Variants in MGA observed in about 807,000 individuals in gnomAD.
MGA encodes MAX gene-associated protein.
A neutral mutation model predicts 261.1 loss-of-function variants in MGA; 40 were observed. The ratio of observed to expected loss-of-function variants is 0.15; its 90% CI spans 0.12 to 0.20. The LOEUF (loss-of-function observed/expected upper bound fraction) is 0.20. Ranked by LOEUF, MGA falls within the 10% of genes least tolerant of loss-of-function variation. The pLI is 1.00. For synonymous variants in MGA, 1,302 were observed against 1,290.6 expected (o/e 1.01, Z -0.19); for missense variants, 3,397 against 3,630.5 (o/e 0.94, Z 1.65).
intron 2 of MGA, among the ~76,000 whole-genome samples, chr15:41,679,460 T>C (rs1350450031): frequency 6.6e-6 from 1 of 152,242 alleles, no homozygotes; most frequent in Non-Finnish European, 1.5e-5. Context: ...TCTTTCCATT[T>C]TAATTTTTTT....
chr15:41,659,682 G>C (rs1416455176), upstream of MGA, among the ~76,000 whole-genome samples: 2 of 152,164 alleles, frequency 1.3e-5, no homozygotes, highest in African/African-American at 4.8e-5. Context: ...TAAATGTCTT[G>C]AAGAAACAAA....
chr15:41,634,099 A>G (rs982315053), intron 1 of MGA, among the ~76,000 whole-genome samples: 1 of 151,836 alleles, frequency 6.6e-6, no homozygotes, highest in Non-Finnish European at 1.5e-5. Flanking sequence ...TTTCTTCCCC[A>G]TCTCTCTTCC....
chr15:41,707,208 C>T (rs2060167386), intron 5 of MGA, among the ~76,000 whole-genome samples: 1 of 152,164 alleles, frequency 6.6e-6, no homozygotes. Flanking sequence ...GATATATTTA[C>T]TGTATCACAG....
chr15:41,699,093 A>G lies in MGA; in HGVS notation c.2122A>G (p.Lys708Glu), dbSNP rs374243548. ...CAGAGCAAGAATTTCCCAGTTGGAA[A>G]AGGAATTGATAGAAGATTTGAAGAC... The change falls in exon 5 of 24, where the codon AAG becomes GAG. Residue 708 changes from lysine (K) to glutamate (E), a missense_variant. This residue lies in a region of MGA where 563 missense variants were observed against 563.6 expected (regional missense o/e 1.00). Transcript: ENST00000219905. 1.9e-6 allele frequency: 3 copies of G among 1,612,418 alleles called. No homozygotes were observed. The African/African-American group carries it at 4.0e-5, about 22-fold the overall frequency.
chr15:41,713,323 A>T lies in MGA; in HGVS notation c.3257A>T (p.Lys1086Ile). ...TTTGGTTGTACTTGTTTGAAAAGAAAAGTTGTACTTGTTAAAGGAGGATCC... is the reference window on the plus strand; with the variant it reads ...TTTGGTTGTACTTGTTTGAAAAGAATAGTTGTACTTGTTAAAGGAGGATCC... The change falls in exon 9 of 24, where the codon AAA becomes ATA. Residue 1086 changes from lysine (K) to isoleucine (I), a missense_variant. By Grantham distance (102) the Lys-to-Ile change is moderately radical (BLOSUM62 -3). Around this residue, in one of 9 missense-constraint regions of MGA, gnomAD observed 519 missense variants for 554.1 expected, o/e 0.94. Coordinates refer to ENST00000219905, the MANE Select transcript of MGA (RefSeq NM_001164273.2). The T allele has an allele frequency of 1.2e-6, 2 of 1,613,970 alleles. No individual in the cohort carries two copies. Among genetic ancestry groups the T allele is most frequent in the Non-Finnish European group, 1.7e-6 (2 of 1,179,878 alleles).
At chr15:41,749,020 A>G in intron 16 of MGA, 91 bp from the exon 17 acceptor site, 1 of 1,543,614 alleles carries the variant, frequency 6.5e-7, no homozygotes, top group Non-Finnish European at 8.7e-7. Context: ...TCATCTCTTA[A>G]GAGTTACTTT....
At chr15:41,740,276 G>C (rs957851737) in intron 14 of MGA, 73 bp downstream of exon 14, 9 of 1,459,386 alleles carry the variant, frequency 6.2e-6, no homozygotes, top group Non-Finnish European at 8.4e-6. Flanking sequence ...AGGTATGGAG[G>C]TTGTAAAAAT....
chr15:41,631,378 T>C (rs2056584866), intron 1 of MGA, among the ~76,000 whole-genome samples: 1 of 152,182 alleles, frequency 6.6e-6, no homozygotes, highest in Non-Finnish European at 1.5e-5. Flanking sequence ...TTTCATTTCA[T>C]GTCTATAAAG....
rs867497724 is a variant in MGA, at chr15:41,735,192, C to T, written c.3916+598C>T. Among the ~76,000 whole-genome samples, 6 of 152,216 alleles carry T rather than the reference C, an allele frequency of 3.9e-5. No homozygotes were observed. In the South Asian group the frequency reaches 1.2e-3, roughly 32 times the overall value. ...GAGGAGGCTACTAGGGTGGAGGGAACCTGCCTGAGAGCGTGAGCACCCTGA... is the reference window on the plus strand; with the variant it reads ...GAGGAGGCTACTAGGGTGGAGGGAATCTGCCTGAGAGCGTGAGCACCCTGA... On this transcript the variant is annotated intron_variant, in intron 12 of 23. Transcript: ENST00000219905.
chr15:41,734,424 T>G, intron 11 of MGA, 98 bp from the exon 12 acceptor site: 3 of 934,664 alleles, frequency 3.2e-6, no homozygotes, highest in South Asian at 3.1e-5. Context: ...ATTCTAATGA[T>G]TTAAACTTCT....
chr15:41,766,086 C>A lies in MGA; in HGVS notation c.8004C>A (p.Gly2668=), dbSNP rs748846838. Residue 2668 remains glycine, a synonymous_variant, in exon 24 of 24, where the codon GGC becomes GGA. Coordinates refer to ENST00000219905, the MANE Select transcript of MGA (RefSeq NM_001164273.2). ...AGGGAGGTTTGGTAGATATGGGTGG[C>A]AGCAAATATCCTCATGAAGTTCCTG... 6.2e-7 allele frequency: 1 copy of A among 1,613,896 alleles called. No individual in the cohort carries two copies. Among genetic ancestry groups the A allele is most frequent in the Non-Finnish European group, 8.5e-7 (1 of 1,179,862 alleles).
intron 1 of MGA, among the ~76,000 whole-genome samples, chr15:41,638,032 CTTTTTTTTTT>C (rs56390631): frequency 4.7e-5 from 2 of 43,004 alleles, no homozygotes; most frequent in African/African-American, 7.8e-5. Flanking sequence ...CTGTGCCCAG[CTTTTTTTTTT>C]TTTTTTTTTT....
At chr15:41,645,044 TC>T (rs1338366230) in intron 1 of MGA, among the ~76,000 whole-genome samples, 1 of 152,264 alleles carries the variant, frequency 6.6e-6, no homozygotes, top group Non-Finnish European at 1.5e-5. Context: ...GTAATACATG[TC>T]TACAGATGAG....
chr15:41,642,390 A>G (rs2056839662), intron 1 of MGA, among the ~76,000 whole-genome samples: 2 of 150,342 alleles, frequency 1.3e-5, no homozygotes, highest in Non-Finnish European at 3.0e-5. Flanking sequence ...GCTCACTGCA[A>G]CTTCCACCTC....
At chr15:41,660,183 T>G (rs1595590204), upstream of MGA, among the ~76,000 whole-genome samples, 1 of 152,334 alleles carries the variant, frequency 6.6e-6, no homozygotes, top group East Asian at 1.9e-4. Context: ...CTGCCTCGCC[T>G]TTCTTGGTTC....
intron 1 of MGA, among the ~76,000 whole-genome samples, chr15:41,639,699 C>G (rs1176292685): frequency 6.6e-6 from 1 of 152,010 alleles, no homozygotes; most frequent in Non-Finnish European, 1.5e-5. Flanking sequence ...CACCTGCCAC[C>G]ACGCCCAGCT....
At chr15:41,718,436 G>A (rs1410521423) in intron 9 of MGA, 14 of 1,191,928 alleles carry the variant, frequency 1.2e-5, no homozygotes, top group Non-Finnish European at 1.7e-5. Flanking sequence ...GGTAGCCCTG[G>A]AGCTGAGGAA....
chr15:41,646,411 T>C (rs2056933683), intron 1 of MGA, among the ~76,000 whole-genome samples: 1 of 151,826 alleles, frequency 6.6e-6, no homozygotes, highest in Non-Finnish European at 1.5e-5. Flanking sequence ...AATGGCATGA[T>C]CTCGGCTCAC....
rs761482641 is a variant in MGA, at chr15:41,736,412, G to A, written c.4148G>A (p.Arg1383Gln). 1.8e-5 allele frequency: 29 copies of A among 1,613,890 alleles called. No individual in the cohort carries two copies. Among genetic ancestry groups the A allele is most frequent in the African/African-American group, 5.3e-5 (4 of 74,926 alleles). ...GAGTTGGCTTCTCAGCGAAAGAGCC[G>A]GGGTGAGAAGAACCCTCCTGTTTAT... is the stretch of plus-strand genomic sequence containing the variant. Residue 1383 changes from arginine to glutamine, a missense_variant, in exon 13 of 24, where the codon CGG (arginine) becomes CAG (glutamine). Around this residue, in one of 9 missense-constraint regions of MGA, gnomAD observed 1,410 missense variants for 1,386.4 expected, o/e 1.02. Coordinates refer to ENST00000219905, the MANE Select transcript of MGA (RefSeq NM_001164273.2).
Sources: allele counts gnomAD v4.1 joint callset (sites outside exome capture counted in the v4.1 genomes callset), GRCh38; gene constraint gnomAD v4.1.1; regional missense constraint gnomAD v4.1.1; transcripts MANE v1.5; gene names NCBI Gene and HGNC (gene_info 2026-07-23, HGNC 2026-07-21).